HMGCLL1: variants seen among roughly 807,000 people sequenced by gnomAD.
HMGCLL1 encodes 3-hydroxy-3-methylglutaryl-CoA lyase like 1, also known as 3-hydroxymethyl-3-methylglutaryl-CoA lyase, cytoplasmic.
In HMGCLL1, 36 loss-of-function variants were observed where a neutral mutation model predicts 39.1. The observed-to-expected ratio is 0.92, with a 90% CI of 0.71 to 1.22. The LOEUF is 1.22. Ranked by LOEUF, HMGCLL1 falls within the 50% of genes most tolerant of loss-of-function variation. HMGCLL1 has a pLI of 0.00. For synonymous variants in HMGCLL1, 149 were observed against 144.0 expected, an observed-to-expected ratio of 1.03 and a Z score of -0.25; for missense variants, 451 against 416.5, an observed-to-expected ratio of 1.08 and a Z score of -0.72.
intron 1 of HMGCLL1, among the ~76,000 whole-genome samples, chr6:55,569,366 T>G (rs547744348): frequency 3.9e-5 from 6 of 152,234 alleles, no homozygotes; most frequent in African/African-American, 1.2e-4. Context: ...TTGGGTTAAG[T>G]AGAAATAAAG....
chr6:55,597,991 T>A, the HMGCLL1 span, among the ~76,000 whole-genome samples: 2 of 152,134 alleles, frequency 1.3e-5, no homozygotes, highest in African/African-American at 4.8e-5. Flanking sequence ...GGCTAAAAGA[T>A]TAAAATTTGG....
chr6:55,498,401 T>C (rs1285966733), intron 6 of HMGCLL1, among the ~76,000 whole-genome samples: 1 of 152,100 alleles, frequency 6.6e-6, no homozygotes, highest in Non-Finnish European at 1.5e-5. Context: ...ATATGTTTCA[T>C]TTGAAAAATC....
the HMGCLL1 span, among the ~76,000 whole-genome samples, chr6:55,615,960 T>C: frequency 6.6e-6 from 1 of 152,118 alleles, no homozygotes; most frequent in South Asian, 2.1e-4. Context: ...CTTGAAACAG[T>C]TGTAGCCACA....
chr6:55,624,473 A>C, the HMGCLL1 span, among the ~76,000 whole-genome samples: 5 of 152,200 alleles, frequency 3.3e-5, no homozygotes, highest in African/African-American at 1.2e-4. Context: ...AAGGCCAGCA[A>C]TATACCTTTA....
intron 3 of HMGCLL1, among the ~76,000 whole-genome samples, chr6:55,540,720 C>T (rs558422044): frequency 1.1e-4 from 17 of 152,238 alleles, no homozygotes; most frequent in African/African-American, 3.9e-4. Context: ...ATTTGCACTC[C>T]TGGCATAAAG....
the HMGCLL1 span, among the ~76,000 whole-genome samples, chr6:55,655,346 C>T: frequency 6.6e-6 from 1 of 151,688 alleles, no homozygotes; most frequent in Non-Finnish European, 1.5e-5. Context: ...CCATCCCCCT[C>T]CTGTTACAAT....
chr6:55,576,454 A>G (rs905041275), intron 1 of HMGCLL1, among the ~76,000 whole-genome samples: 4 of 152,210 alleles, frequency 2.6e-5, no homozygotes, highest in African/African-American at 9.6e-5. Flanking sequence ...AAAACACATT[A>G]AAAGTTTTGG....
intron 1 of HMGCLL1, among the ~76,000 whole-genome samples, chr6:55,569,361 T>C (rs1445136232): frequency 3.3e-5 from 5 of 152,018 alleles, no homozygotes; most frequent in African/African-American, 4.8e-5. Flanking sequence ...TAAAATTGGG[T>C]TAAGTAGAAA....
intron 7 of HMGCLL1, among the ~76,000 whole-genome samples, chr6:55,480,574 A>C (rs780394972): frequency 8.6e-5 from 13 of 151,656 alleles, no homozygotes; most frequent in Non-Finnish European, 1.8e-4. Context: ...CAAAGTAAAA[A>C]TAGAGGTACC....
the HMGCLL1 span, among the ~76,000 whole-genome samples, chr6:55,678,260 C>T: frequency 3.3e-5 from 5 of 152,220 alleles, 1 homozygote; most frequent in East Asian, 7.7e-4. Flanking sequence ...TTGCCTTTCT[C>T]CTCCAAATCC....
Position 55,435,127 on chromosome 6 carries a change from A to T in HMGCLL1, c.*535T>A, listed in dbSNP as rs999520263. On this transcript the variant is annotated 3_prime_UTR_variant, in exon 9 of 9. Transcript: ENST00000274901. ...AGTTAACAGATGTTAGCCATACTTG[A>T]AATATAAAAGTTCTATTGCTAAAAT... is the stretch of plus-strand genomic sequence containing the variant. The T allele has an allele frequency of 6.6e-6, 1 of 152,564 alleles. No individual in the cohort carries two copies. The highest frequency in any genetic ancestry group is 1.5e-5 in the Non-Finnish European group (1 of 68,010). The allele number at this position is 152,564 out of a possible 1,614,324, so 9.5% of individuals were successfully genotyped here.
rs199698637 is a variant in HMGCLL1, at chr6:55,516,551, C to T, written c.350G>A (p.Arg117His). The change falls in exon 4 of 9, where the codon CGC becomes CAC. Residue 117 changes from arginine to histidine, a missense_variant. Transcript: ENST00000274901. ...AAGATTAGGAGTAAGGACAGGATAGCGAACTCCTGGATATTGATGAATGCC... is the reference window on the plus strand; with the variant it reads ...AAGATTAGGAGTAAGGACAGGATAGTGAACTCCTGGATATTGATGAATGCC... ...MKGIHQYPGVRYPVLTPNLQG... is the reference protein window; with the variant it reads ...MKGIHQYPGVHYPVLTPNLQG... 4.2e-4 allele frequency: 675 copies of T among 1,601,592 alleles called. No homozygotes were observed. In the African/African-American group the frequency reaches 7.8e-3, roughly 19 times the overall value.
intron 7 of HMGCLL1, among the ~76,000 whole-genome samples, chr6:55,462,938 G>T (rs73744301): frequency 0.21 from 31,265 of 151,806 alleles, 4,083 homozygotes; most frequent in African/African-American, 0.38. Context: ...ACAAGGAATC[G>T]CCCCAGAACT....
At chr6:55,467,320 T>G (rs929291687) in intron 7 of HMGCLL1, among the ~76,000 whole-genome samples, 2 of 152,096 alleles carry the variant, frequency 1.3e-5, no homozygotes, top group Non-Finnish European at 2.9e-5. Flanking sequence ...TGTGAATATT[T>G]TCATGTTTTT....
chr6:55,604,318 T>C, the HMGCLL1 span, among the ~76,000 whole-genome samples: 1 of 152,278 alleles, frequency 6.6e-6, no homozygotes, highest in Non-Finnish European at 1.5e-5. Flanking sequence ...TTCTTTAACT[T>C]CCATAGTTAT....
At position 55,485,522 on chromosome 6, in the gene HMGCLL1, A is replaced by G. The variant is rs541302985; in HGVS notation, c.795+9897T>C. Reference sequence around the variant, plus strand: ...TAAAACACAAAAGAAAGCTTTGAAAAATAATCCTACCATATATACATATAT... The same window carrying G: ...TAAAACACAAAAGAAAGCTTTGAAAGATAATCCTACCATATATACATATAT... On this transcript the variant is annotated intron_variant, in intron 7 of 8. Transcript: ENST00000274901. Among the ~76,000 whole-genome samples the G allele has an allele frequency of 2.0e-5, 3 of 152,204 alleles. No individual in the cohort carries two copies. The South Asian group carries it at 6.2e-4, about 32-fold the overall frequency.
At chr6:55,475,992 T>C (rs1283962267) in intron 7 of HMGCLL1, among the ~76,000 whole-genome samples, 1 of 151,708 alleles carries the variant, frequency 6.6e-6, no homozygotes, top group Non-Finnish European at 1.5e-5. Context: ...ATTTTAGCTT[T>C]ATATTAAGAT....
At chr6:55,678,397 G>A in the HMGCLL1 span, among the ~76,000 whole-genome samples, 1 of 151,874 alleles carries the variant, frequency 6.6e-6, no homozygotes, top group East Asian at 1.9e-4. Flanking sequence ...ATGAAATACA[G>A]GGAATGAATA....
At chr6:55,485,539 T>C (rs969289314) in intron 7 of HMGCLL1, among the ~76,000 whole-genome samples, 1 of 152,026 alleles carries the variant, frequency 6.6e-6, no homozygotes, top group African/African-American at 2.4e-5. Flanking sequence ...CTACCATATA[T>C]ACATATATAT....
Sources: allele counts gnomAD v4.1 joint callset (sites outside exome capture counted in the v4.1 genomes callset), GRCh38; gene constraint gnomAD v4.1.1; transcripts MANE v1.5; gene names NCBI Gene and HGNC (gene_info 2026-07-23, HGNC 2026-07-21).